OR51I2: variants seen among roughly 807,000 people sequenced by gnomAD.
OR51I2 encodes olfactory receptor family 51 subfamily I member 2, also known as olfactory receptor 51I2.
In OR51I2, 6 loss-of-function variants were observed where a neutral mutation model predicts 9.3. The observed-to-expected ratio is 0.64, with a 90% CI of 0.35 to 1.27. OR51I2 has a LOEUF of 1.27. Ranked by LOEUF, OR51I2 falls within the 50% of genes most tolerant of loss-of-function variation. OR51I2 has a pLI of 0.03. For missense variants in OR51I2, 489 were observed against 396.4 expected, an observed-to-expected ratio of 1.23 and a Z score of -1.98; for synonymous variants, 179 against 143.1, an observed-to-expected ratio of 1.25 and a Z score of -1.79.
rs758292845 is a variant in OR51I2, at chr11:5,453,947, C to T, written c.459C>T (p.Phe153=). 14 of 1,614,172 alleles carry T rather than the reference C, an allele frequency of 8.7e-6. 2 individuals carry two copies. The highest frequency in any genetic ancestry group is 1.6e-4 in the Middle Eastern group (1 of 6,062). The change falls in exon 2 of 2, where the codon TTC becomes TTT. Residue 153 remains phenylalanine, a synonymous_variant. Coordinates refer to ENST00000641930, the MANE Select transcript of OR51I2 (RefSeq NM_001004754.3). ...GTTTAGGTGCAGCTGCTCGAAGCTT[C>T]ATCACCCTTTTCCCTCTTCCCTTTC... The part of the protein sequence containing the change: ...AMGLGAAARS[F]ITLFPLPFLI...
At position 5,454,463 on chromosome 11, in the gene OR51I2, C is replaced by T. The variant is rs764714130; in HGVS notation, c.*36C>T. On this transcript the variant is annotated 3_prime_UTR_variant, in exon 2 of 2. Transcript: ENST00000641930. ...TGGCTTTAGAATCTGTTATTTTGGC[C>T]ATAGGCTCTCATCAGTAGCATCGTC... 6.7e-7 allele frequency: 1 copy of T among 1,493,808 alleles called. No individual in the cohort carries two copies. Among genetic ancestry groups the T allele is most frequent in the East Asian group, 2.3e-5 (1 of 44,366 alleles). The allele number at this position is 1,493,808 out of a possible 1,614,324, so 92.5% of individuals were successfully genotyped here.
At position 5,453,744 on chromosome 11, in the gene OR51I2, T is replaced by C. The variant is rs1401067007; in HGVS notation, c.256T>C (p.Cys86Arg). Residue 86 changes from cysteine to arginine, a missense_variant, in exon 2 of 2, where the codon TGC (cysteine) becomes CGC (arginine). Physicochemically the swap from Cys to Arg is radical, Grantham distance 180. Coordinates refer to ENST00000641930, the MANE Select transcript of OR51I2 (RefSeq NM_001004754.3). ...ACTGCCCACTGTACTCCGAACCTTC[T>C]GCCTCAATGCCCGCAACATCACTTT... The part of the protein sequence containing the change: ...ATLPTVLRTF[C>R]LNARNITFDA... The C allele has an allele frequency of 7.4e-6, 12 of 1,614,238 alleles. No individual in the cohort carries two copies. The highest frequency in any genetic ancestry group is 1.0e-5 in the Non-Finnish European group (12 of 1,180,034).
chr11:5,453,397 C>G lies in OR51I2; in HGVS notation c.-92C>G. On this transcript the variant is annotated 5_prime_UTR_variant, in exon 2 of 2. It adds an upstream start codon to the 5' untranslated region. Transcript: ENST00000641930. ...TCAACATCATCGCTTTGTCTCTTAT[C>G]TCCTGATTTCTTGTCCTCCAGCAAG... The G allele has an allele frequency of 1.2e-6, 1 of 869,068 alleles. No homozygotes were observed. The highest frequency in any genetic ancestry group is 1.7e-6 in the Non-Finnish European group (1 of 581,630). The allele number at this position is 869,068 out of a possible 1,614,324, so 53.8% of individuals were successfully genotyped here.
At position 5,453,701 on chromosome 11, in the gene OR51I2, G is replaced by A; in HGVS notation, c.213G>A (p.Val71=). 1 of 1,613,908 alleles carries A rather than the reference G, an allele frequency of 6.2e-7. No individual in the cohort carries two copies. The highest frequency in any genetic ancestry group is 8.5e-7 in the Non-Finnish European group (1 of 1,179,918). The change falls in exon 2 of 2, where the codon GTG becomes GTA. Residue 71 remains valine (V), a synonymous_variant. Transcript: ENST00000641930. ...TGTCCATGTTGTCCTTCAGTGATGTGGCCATATCCATGGCCACACTGCCCA... is the reference window on the plus strand; with the variant it reads ...TGTCCATGTTGTCCTTCAGTGATGTAGCCATATCCATGGCCACACTGCCCA... ...YFLSMLSFSD[V]AISMATLPTV... is the part of the protein sequence containing the mutation.
intron 1 of OR51I2, among the ~76,000 whole-genome samples, chr11:5,452,681 A>G (rs981503196): frequency 1.3e-5 from 2 of 152,118 alleles, no homozygotes; most frequent in Non-Finnish European, 2.9e-5. Flanking sequence ...AGGTACATTA[A>G]TGTGTCCTTG....
chr11:5,451,711 T>C (rs1320676270), intron 1 of OR51I2, among the ~76,000 whole-genome samples: 2 of 152,204 alleles, frequency 1.3e-5, no homozygotes, highest in East Asian at 1.9e-4. Flanking sequence ...TTCTCCTTCA[T>C]TCCCATCAGA....
At chr11:5,452,431 G>A (rs11037486) in intron 1 of OR51I2, among the ~76,000 whole-genome samples, 70,427 of 145,848 alleles carry the variant, frequency 0.48, 16,805 homozygotes, top group Non-Finnish European at 0.51. Context: ...GCGTGAACCC[G>A]GGAGGTGGAG....
At chr11:5,449,582 C>G (rs11037476) in intron 1 of OR51I2, among the ~76,000 whole-genome samples, 3,646 of 152,242 alleles carry the variant, frequency 0.024, 165 homozygotes, top group East Asian at 0.2. Flanking sequence ...TGTATAACCC[C>G]AAGCGATTCA....
In OR51I2 at chr11:5,453,501, A is replaced by C; in HGVS notation, c.13A>C (p.Asn5His). Residue 5 changes from asparagine (N) to histidine (H), a missense_variant, in exon 2 of 2, where the codon AAT becomes CAT. Coordinates refer to ENST00000641930, the MANE Select transcript of OR51I2 (RefSeq NM_001004754.3). Reference protein sequence around the residue: MGLFNVTHPAFFLLT... With the variant: MGLFHVTHPAFFLLT... ...AGTTTGTTTTGCTATGGGGTTGTTCAATGTCACTCACCCTGCATTCTTCCT... is the reference window on the plus strand; with the variant it reads ...AGTTTGTTTTGCTATGGGGTTGTTCCATGTCACTCACCCTGCATTCTTCCT... The C allele has an allele frequency of 6.4e-7, 1 of 1,552,102 alleles. No individual in the cohort carries two copies. The highest frequency in any genetic ancestry group is 2.3e-5 in the East Asian group (1 of 44,444).
In OR51I2 at chr11:5,455,619, G is replaced by A. The variant is rs571083932; in HGVS notation, c.*1192G>A. 2 of 150,132 alleles carry A rather than the reference G, an allele frequency of 1.3e-5. No homozygotes were observed. Among genetic ancestry groups the A allele is most frequent in the South Asian group, 2.1e-4 (1 of 4,792 alleles). 9.3% of individuals were successfully genotyped at this position (150,132 alleles called of 1,614,324 possible). ...AGAGAAAAAGAGAAAGAGAAAGAGA[G>A]AAAGAGAGAGAGAGAGATGCACTAG... On this transcript the variant is annotated 3_prime_UTR_variant, in exon 2 of 2. Coordinates refer to ENST00000641930, the MANE Select transcript of OR51I2 (RefSeq NM_001004754.3).
rs1850960319 is a variant in OR51I2, at chr11:5,456,455, T to C, written c.*2028T>C. On this transcript the variant is annotated 3_prime_UTR_variant, in exon 2 of 2. Coordinates refer to ENST00000641930, the MANE Select transcript of OR51I2 (RefSeq NM_001004754.3). ...TAAGCTAAGCCCTGTTTTTGTTTTT[T>C]TGACCTTGGGTTAAAAACTCTTTAA... is the stretch of plus-strand genomic sequence containing the variant. 1 of 152,226 alleles carries C rather than the reference T, an allele frequency of 6.6e-6. No homozygotes were observed. Among genetic ancestry groups the C allele is most frequent in the African/African-American group, 2.4e-5 (1 of 41,450 alleles). The allele number at this position is 152,226 out of a possible 1,614,324, so 9.4% of individuals were successfully genotyped here. A position where few individuals can be genotyped will look rare whatever the true frequency, so the allele number is the denominator to read the frequency against.
rs200286024 is a variant in OR51I2 at position 5,454,087 on chromosome 11, T to C, written c.599T>C (p.Leu200Pro). The C allele has an allele frequency of 2.0e-5, 33 of 1,614,212 alleles. 1 individual carries two copies. In the East Asian group the frequency reaches 7.4e-4, roughly 36 times the overall value. The change falls in exon 2 of 2, where the codon CTC (leucine) becomes CCC (proline). Residue 200 changes from leucine (L) to proline (P), a missense_variant. Leu to Pro is a moderately conservative substitution (Grantham distance 98). Transcript: ENST00000641930. The stretch of plus-strand genomic sequence containing the variant: ...ATCAGTATCAACAGCATCTATGGAC[T>C]CTTTGTTCTTGTATCCACCTTTGGC... ...ADISINSIYG[L>P]FVLVSTFGMD...
intron 1 of OR51I2, among the ~76,000 whole-genome samples, chr11:5,452,988 C>T (rs1197848418): frequency 6.6e-6 from 1 of 151,852 alleles, no homozygotes; most frequent in East Asian, 1.9e-4. Flanking sequence ...CAACATGATA[C>T]AAAACTTGCT....
At position 5,453,548 on chromosome 11, in the gene OR51I2, G is replaced by T; in HGVS notation, c.60G>T (p.Leu20=). The T allele has an allele frequency of 6.2e-7, 1 of 1,606,956 alleles. No homozygotes were observed. Among genetic ancestry groups the T allele is most frequent in the Non-Finnish European group, 8.5e-7 (1 of 1,176,796 alleles). Residue 20 remains leucine (L), a synonymous_variant, in exon 2 of 2, where the codon CTG becomes CTT. Coordinates refer to ENST00000641930, the MANE Select transcript of OR51I2 (RefSeq NM_001004754.3). The part of the protein sequence containing the change: ...AFFLLTGIPG[L]ESSHSWLSGP... ...TCCTCCTGACTGGTATCCCTGGTCT[G>T]GAGAGCTCTCACTCCTGGCTGTCAG...
chr11:5,456,301 T>C lies in OR51I2; in HGVS notation c.*1874T>C, dbSNP rs1850957949. On this transcript the variant is annotated 3_prime_UTR_variant, in exon 2 of 2. Coordinates refer to ENST00000641930, the MANE Select transcript of OR51I2 (RefSeq NM_001004754.3). ...TAATTTCACCTTCCTTTTTTCAGCA[T>C]TAATTAAAAGAGCTACTGATTTTCA... is the stretch of plus-strand genomic sequence containing the variant. 6.6e-6 allele frequency: 1 copy of C among 152,182 alleles called. No homozygotes were observed. Among genetic ancestry groups the C allele is most frequent in the Non-Finnish European group, 1.5e-5 (1 of 68,034 alleles). The allele number at this position is 152,182 out of a possible 1,614,324, so 9.4% of individuals were successfully genotyped here. A position where few individuals can be genotyped will look rare whatever the true frequency, so the allele number is the denominator to read the frequency against.
intron 1 of OR51I2, 27 bp from the exon 2 acceptor site, chr11:5,453,232 T>C (rs1590003834): frequency 6.1e-6 from 2 of 326,362 alleles, no homozygotes; most frequent in East Asian, 1.0e-4. Context: ...GAAGTATTTG[T>C]CAATGTCTTC....
Position 5,454,083 on chromosome 11 carries a change from G to A in OR51I2, c.595G>A (p.Gly199Arg), listed in dbSNP as rs1372809281. 1.9e-6 allele frequency: 3 copies of A among 1,614,090 alleles called. No homozygotes were observed. The highest frequency in any genetic ancestry group is 1.7e-5 in the Admixed American group (1 of 60,018). The change falls in exon 2 of 2, where the codon GGA (glycine) becomes AGA (arginine). Residue 199 changes from glycine to arginine, a missense_variant. Gly to Arg is a moderately radical substitution (Grantham distance 125). Coordinates refer to ENST00000641930, the MANE Select transcript of OR51I2 (RefSeq NM_001004754.3). ...TGATATCAGTATCAACAGCATCTAT[G>A]GACTCTTTGTTCTTGTATCCACCTT... The part of the protein sequence containing the change: ...CADISINSIY[G>R]LFVLVSTFGM...
rs1850887279 is a variant in OR51I2 at position 5,453,399 on chromosome 11, C to T, written c.-90C>T. On this transcript the variant is annotated 5_prime_UTR_variant, in exon 2 of 2. Coordinates refer to ENST00000641930, the MANE Select transcript of OR51I2 (RefSeq NM_001004754.3). ...AACATCATCGCTTTGTCTCTTATCTCCTGATTTCTTGTCCTCCAGCAAGTG... is the reference window on the plus strand; with the variant it reads ...AACATCATCGCTTTGTCTCTTATCTTCTGATTTCTTGTCCTCCAGCAAGTG... 3 of 896,486 alleles carry T rather than the reference C, an allele frequency of 3.3e-6. No individual in the cohort carries two copies. The South Asian group carries it at 6.1e-5, about 18-fold the overall frequency. The allele number at this position is 896,486 out of a possible 1,614,324, so 55.5% of individuals were successfully genotyped here.
In OR51I2 at chr11:5,454,405, T is replaced by C. The variant is rs748066175; in HGVS notation, c.917T>C (p.Met306Thr). 1 of 1,606,084 alleles carries C rather than the reference T, an allele frequency of 6.2e-7. No individual in the cohort carries two copies. The highest frequency in any genetic ancestry group is 8.5e-7 in the Non-Finnish European group (1 of 1,179,186). Reference sequence around the variant, plus strand: ...GAAATCCGCCGAGCCATTTTCCGCATGTTTCACCACATCAAAATATGACTT... The same window carrying C: ...GAAATCCGCCGAGCCATTTTCCGCACGTTTCACCACATCAAAATATGACTT... ...TKEIRRAIFRMFHHIKI is the reference protein window; with the variant it reads ...TKEIRRAIFRTFHHIKI Residue 306 changes from methionine (M) to threonine (T), a missense_variant, in exon 2 of 2, where the codon ATG (methionine) becomes ACG (threonine). Physicochemically the swap from Met to Thr is moderately conservative, Grantham distance 81. Coordinates refer to ENST00000641930, the MANE Select transcript of OR51I2 (RefSeq NM_001004754.3).
Sources: allele counts gnomAD v4.1 joint callset (sites outside exome capture counted in the v4.1 genomes callset), GRCh38; gene constraint gnomAD v4.1.1; transcripts MANE v1.5; gene names NCBI Gene and HGNC (gene_info 2026-07-23, HGNC 2026-07-21).